Variants in VPS13B observed in about 807,000 individuals in gnomAD.
The protein encoded by VPS13B is vacuolar protein sorting 13 homolog B, also known as intermembrane lipid transfer protein VPS13B.
A neutral mutation model predicts 426.4 loss-of-function variants in VPS13B; 285 were observed. The ratio of observed to expected loss-of-function variants is 0.67; its 90% CI spans 0.61 to 0.74. VPS13B has a LOEUF of 0.74. VPS13B is among the 30% of genes least tolerant of loss of function. The pLI is 0.00. For synonymous variants in VPS13B, 1,676 were observed against 1,676.4 expected, an observed-to-expected ratio of 1.00 and a Z score of 0.01; for missense variants, 4,537 against 4,782.6, an observed-to-expected ratio of 0.95 and a Z score of 1.51.
intron 34 of VPS13B, among the ~76,000 whole-genome samples, chr8:99,654,035 A>G (rs913595819): frequency 4.0e-5 from 6 of 148,638 alleles, no homozygotes; most frequent in Admixed American, 4.0e-4. Context: ...GATGATGATT[A>G]TTATTATTAT....
intron 26 of VPS13B, 77 bp from the exon 27 acceptor site, chr8:99,502,753 TTGTCAA>T: frequency 9.4e-7 from 1 of 1,062,344 alleles, no homozygotes; most frequent in South Asian, 1.3e-5. Context: ...CAGCATGCAT[TTGTCAA>T]TGTGAAATGT....
chr8:99,128,501 G>A (rs1325381136), intron 8 of VPS13B, among the ~76,000 whole-genome samples: 1 of 147,274 alleles, frequency 6.8e-6, no homozygotes, highest in Admixed American at 6.9e-5. Context: ...ATAAGTATGT[G>A]CATCCATCCA....
chr8:99,532,587 T>C (rs1192401419), intron 30 of VPS13B, among the ~76,000 whole-genome samples: 2 of 152,056 alleles, frequency 1.3e-5, no homozygotes, highest in South Asian at 2.1e-4. Flanking sequence ...CATCTGCTTA[T>C]TGCTTTTTTT....
chr8:99,361,142 C>T (rs1356082014), intron 19 of VPS13B, among the ~76,000 whole-genome samples: 1 of 152,158 alleles, frequency 6.6e-6, no homozygotes, highest in Admixed American at 6.5e-5. Context: ...TGGTAATAAG[C>T]ACTGGATAAA....
intron 17 of VPS13B, among the ~76,000 whole-genome samples, chr8:99,231,034 T>G (rs1291250923): frequency 1.3e-5 from 2 of 152,264 alleles, no homozygotes; most frequent in Non-Finnish European, 2.9e-5. Context: ...TCAGTGTTTA[T>G]TTTTAATTAC....
rs1175057537 is a variant in VPS13B, at chr8:99,828,392, CCGTTTTTTTTTTTTTTTTTT to C, written c.9331-3976_9331-3957del. On this transcript the variant is annotated intron_variant, in intron 51 of 61. Transcript: ENST00000357162. ...TTATCAGAGACTAGGATTACAACCA[CCGTTTTTTTTTTTTTTTTTT>C]TTTTTTTTTTTTTTTTTTTTTTGCT... Among the ~76,000 whole-genome samples, 125 of 47,646 alleles carry C rather than the reference CCGTTTTTTTTTTTTTTTTTT, an allele frequency of 2.6e-3. 10 individuals are homozygous for C. Among genetic ancestry groups the C allele is most frequent in the African/African-American group, 8.5e-3 (94 of 11,020 alleles). The allele number at this position is 47,646 out of a possible 152,430, so 31.3% of individuals were successfully genotyped here. A position where few individuals can be genotyped will look rare whatever the true frequency, so the allele number is the denominator to read the frequency against.
In VPS13B at chr8:99,584,797, C is replaced by T. The variant is rs112926096; in HGVS notation, c.5220+7164C>T. 5.2e-4 allele frequency among the ~76,000 whole-genome samples: 79 copies of T among 152,126 alleles called. 1 individual carries two copies. In the South Asian group the frequency reaches 7.3e-3, roughly 14 times the overall value. On this transcript the variant is annotated intron_variant, in intron 33 of 61. Transcript: ENST00000357162. ...TATTTATTCAATAAATATTGAATGC[C>T]TCCTATGCGTCAAATACTATTATGG...
chr8:99,784,434 C>G lies in VPS13B; in HGVS notation c.7899C>G (p.Leu2633=). ...ATGAAAATATTCTGCTGGCGAGTCT[C>G]CACAGTCACCAGTACAGCTGGCGCT... ...DTDENILLAS[L]HSHQYSWRSH... Residue 2633 remains leucine (L), a synonymous_variant, in exon 43 of 62, where the codon CTC becomes CTG. Transcript: ENST00000357162. The G allele has an allele frequency of 6.2e-7, 1 of 1,613,668 alleles. No individual in the cohort carries two copies. Among genetic ancestry groups the G allele is most frequent in the South Asian group, 1.1e-5 (1 of 91,078 alleles).
At chr8:99,160,720 G>A (rs567553836) in intron 15 of VPS13B, among the ~76,000 whole-genome samples, 1 of 151,394 alleles carries the variant, frequency 6.6e-6, no homozygotes, top group Admixed American at 6.6e-5. Flanking sequence ...AAAGATTAGA[G>A]GACTCCACAA....
intron 15 of VPS13B, among the ~76,000 whole-genome samples, chr8:99,169,192 A>C (rs1017335784): frequency 4.6e-5 from 7 of 152,006 alleles, no homozygotes; most frequent in Admixed American, 1.3e-4. Context: ...TGTTGAGATT[A>C]AGCTACTTTT....
chr8:99,425,280 C>A (rs1347781403), intron 21 of VPS13B, among the ~76,000 whole-genome samples: 1 of 152,128 alleles, frequency 6.6e-6, no homozygotes, highest in Non-Finnish European at 1.5e-5. Flanking sequence ...AATTTTAGAC[C>A]AATATCCCTG....
chr8:99,199,180 A>G (rs1814138652), intron 17 of VPS13B, among the ~76,000 whole-genome samples: 1 of 152,006 alleles, frequency 6.6e-6, no homozygotes, highest in African/African-American at 2.4e-5. Flanking sequence ...CATTATTATT[A>G]TCATTATATA....
At chr8:99,849,547 T>G (rs1343606702) in intron 55 of VPS13B, among the ~76,000 whole-genome samples, 1 of 152,210 alleles carries the variant, frequency 6.6e-6, no homozygotes, top group Non-Finnish European at 1.5e-5. Context: ...TTGGTACTAT[T>G]TCCAATTTAT....
chr8:99,778,485 C>A (rs541083292), intron 41 of VPS13B, among the ~76,000 whole-genome samples, 197 bp from the exon 42 acceptor site: 1 of 152,154 alleles, frequency 6.6e-6, no homozygotes, highest in Admixed American at 6.5e-5. Flanking sequence ...CCTAATTGAA[C>A]AAAACAGTTT....
chr8:99,752,500 A>G (rs184998300), intron 39 of VPS13B, among the ~76,000 whole-genome samples: 3 of 152,364 alleles, frequency 2.0e-5, no homozygotes, highest in Admixed American at 1.3e-4. Flanking sequence ...TGTAGAGTCA[A>G]GTAGTTGCAA....
Position 99,871,155 on chromosome 8 carries a change from G to T in VPS13B, c.11495+268G>T, listed in dbSNP as rs548205569. On this transcript the variant is annotated intron_variant, in intron 60 of 61. Coordinates refer to ENST00000357162, the MANE Select transcript of VPS13B (RefSeq NM_152564.5). ...GGCAGAGAAACCCAGTCTTGCTAGA[G>T]GGCCTGAGATTCCCTGTGGAACCAG... 131 of 599,544 alleles carry T rather than the reference G, an allele frequency of 2.2e-4. No homozygotes were observed. The African/African-American group carries it at 2.3e-3, about 10-fold the overall frequency. 37.1% of individuals were successfully genotyped at this position (599,544 alleles called of 1,614,324 possible). A position where few individuals can be genotyped will look rare whatever the true frequency, so the allele number is the denominator to read the frequency against.
intron 46 of VPS13B, 32 bp from the exon 47 acceptor site, chr8:99,818,681 A>T: frequency 6.2e-7 from 1 of 1,612,886 alleles, no homozygotes; most frequent in South Asian, 1.1e-5. Context: ...CAAAGCAAAT[A>T]TGAAAGTTGT....
chr8:99,587,041 C>T (rs1490447692), intron 33 of VPS13B, among the ~76,000 whole-genome samples: 2 of 152,102 alleles, frequency 1.3e-5, no homozygotes, highest in East Asian at 3.9e-4. Flanking sequence ...TCTCATTGTT[C>T]AGTTCCCACC....
Position 99,853,454 on chromosome 8 carries a change from G to A in VPS13B, c.10065G>A (p.Ala3355=), listed in dbSNP as rs61753726. The change falls in exon 56 of 62, where the codon GCG becomes GCA. Residue 3355 remains alanine (A), a synonymous_variant. Coordinates refer to ENST00000357162, the MANE Select transcript of VPS13B (RefSeq NM_152564.5). ...AGPILTNTNR[A]PEKIVTFKMF... ...TTCTTGTCCCTTTCTCCTCTAGAGCGCCAGAGAAGATTGTTACATTTAAAA... is the reference window on the plus strand; with the variant it reads ...TTCTTGTCCCTTTCTCCTCTAGAGCACCAGAGAAGATTGTTACATTTAAAA... 24 of 1,614,008 alleles carry A rather than the reference G, an allele frequency of 1.5e-5. No homozygotes were observed. Among genetic ancestry groups the A allele is most frequent in the African/African-American group, 9.3e-5 (7 of 74,922 alleles).
Sources: allele counts gnomAD v4.1 joint callset (sites outside exome capture counted in the v4.1 genomes callset), GRCh38; gene constraint gnomAD v4.1.1; transcripts MANE v1.5; gene names NCBI Gene and HGNC (gene_info 2026-07-23, HGNC 2026-07-21).